PTP4A3: variants seen among roughly 807,000 people sequenced by gnomAD.
The protein encoded by PTP4A3 is protein tyrosine phosphatase type IVA 3.
In PTP4A3, 9 loss-of-function variants were observed where a neutral mutation model predicts 15.2. The observed-to-expected ratio is 0.59, with a 90% CI of 0.36 to 1.03. PTP4A3 has a LOEUF of 1.03. Among genes scored for constraint, PTP4A3 ranks in the 50% least tolerant of loss-of-function variants. The pLI is 0.02. For missense variants in PTP4A3, 234 were observed against 252.1 expected, an observed-to-expected ratio of 0.93 and a Z score of 0.49; for synonymous variants, 95 against 102.0, an observed-to-expected ratio of 0.93 and a Z score of 0.41.
chr8:141,429,151 G>A (rs1833726302), intron 5 of PTP4A3, among the ~76,000 whole-genome samples: 1 of 152,258 alleles, frequency 6.6e-6, no homozygotes, highest in Non-Finnish European at 1.5e-5. Context: ...GTTGGTGGGG[G>A]CCCTACCCGG....
chr8:141,409,283 T>C (rs530713649), intron 1 of PTP4A3, among the ~76,000 whole-genome samples: 13 of 152,332 alleles, frequency 8.5e-5, no homozygotes, highest in African/African-American at 3.1e-4. Flanking sequence ...CGGGGCTGTC[T>C]CTGAGCCCTG....
intron 1 of PTP4A3, among the ~76,000 whole-genome samples, chr8:141,394,791 C>T (rs1303941635): frequency 6.6e-6 from 1 of 152,272 alleles, no homozygotes; most frequent in African/African-American, 2.4e-5. Flanking sequence ...GAGCCCCGTC[C>T]TCTCTGCACA....
At chr8:141,417,563 T>C (rs936978824) in intron 1 of PTP4A3, among the ~76,000 whole-genome samples, 4 of 151,826 alleles carry the variant, frequency 2.6e-5, no homozygotes, top group African/African-American at 4.8e-5. Flanking sequence ...GCTCCTGCCC[T>C]CCGGACCCCC....
At chr8:141,427,628 C>T (rs1404172609) in intron 4 of PTP4A3, 122 bp from the exon 5 acceptor site, 14 of 815,370 alleles carry the variant, frequency 1.7e-5, no homozygotes, top group South Asian at 1.6e-4. Context: ...CATGGGGGAG[C>T]TTCAGGCAGG....
At chr8:141,401,399 G>A (rs1385537690) in intron 1 of PTP4A3, among the ~76,000 whole-genome samples, 1 of 152,172 alleles carries the variant, frequency 6.6e-6, no homozygotes, top group African/African-American at 2.4e-5. Context: ...GCTGGCCCTG[G>A]GGTAACTTGC....
rs545050416 is a variant in PTP4A3, at chr8:141,423,010, G to A, written c.105+665G>A. On this transcript the variant is annotated intron_variant, in intron 2 of 5. Transcript: ENST00000521578. ...CCCTGCTGTTTGCAGGCCTGGGGCC[G>A]TTTGCAGCGTCTGCAGTTGTGTGCG... Among the ~76,000 whole-genome samples, 18 of 152,356 alleles carry A rather than the reference G, an allele frequency of 1.2e-4. No individual in the cohort carries two copies. In the South Asian group the frequency reaches 2.9e-3, roughly 25 times the overall value.
At chr8:141,402,120 G>A (rs564764209) in intron 1 of PTP4A3, among the ~76,000 whole-genome samples, 4 of 152,312 alleles carry the variant, frequency 2.6e-5, no homozygotes, top group Admixed American at 1.3e-4. Flanking sequence ...CCAGCAGAGG[G>A]TGCAGCCTCT....
intron 1 of PTP4A3, chr8:141,392,493 G>A (rs1300990679): frequency 2.6e-5 from 4 of 152,356 alleles, no homozygotes; most frequent in Non-Finnish European, 5.9e-5. Context: ...ACAGTTTGGG[G>A]GGCTGGAACC....
chr8:141,422,031 C>T lies in PTP4A3; in HGVS notation c.-210C>T. 3 of 519,434 alleles carry T rather than the reference C, an allele frequency of 5.8e-6. No individual in the cohort carries two copies. Among genetic ancestry groups the T allele is most frequent in the East Asian group, 3.3e-5 (1 of 30,124 alleles). 32.2% of individuals were successfully genotyped at this position (519,434 alleles called of 1,614,324 possible). On this transcript the variant is annotated 5_prime_UTR_variant, in exon 2 of 6. Coordinates refer to ENST00000521578, the MANE Select transcript of PTP4A3 (RefSeq NM_032611.3). ...GAGTTGGGTTTTCTTTTTTAATTAT[C>T]CAAACAGTGGGCAGCTTCCTCCCCC...
At chr8:141,400,476 G>T (rs1832563676) in intron 1 of PTP4A3, among the ~76,000 whole-genome samples, 1 of 152,228 alleles carries the variant, frequency 6.6e-6, no homozygotes, top group Non-Finnish European at 1.5e-5. Context: ...ATTTCCCTGG[G>T]TGTTGACTGG....
At chr8:141,428,556 C>T (rs749315703) in intron 5 of PTP4A3, among the ~76,000 whole-genome samples, 11 of 152,212 alleles carry the variant, frequency 7.2e-5, no homozygotes, top group Non-Finnish European at 8.8e-5. Context: ...ATCTCTTCCT[C>T]CCAGAGGCAG....
intron 1 of PTP4A3, among the ~76,000 whole-genome samples, chr8:141,415,926 C>T (rs1386553208): frequency 6.6e-6 from 1 of 151,792 alleles, no homozygotes; most frequent in Non-Finnish European, 1.5e-5. Context: ...CCCTCCTGGC[C>T]CCCCTAGCAA....
intron 1 of PTP4A3, among the ~76,000 whole-genome samples, chr8:141,414,061 C>T (rs1340144163): frequency 1.3e-5 from 2 of 150,170 alleles, no homozygotes; most frequent in Non-Finnish European, 3.0e-5. Context: ...GTTTCTGTGG[C>T]GTGTGTGTGT....
chr8:141,420,491 A>G (rs749123777), intron 1 of PTP4A3, among the ~76,000 whole-genome samples: 274 of 152,190 alleles, frequency 1.8e-3, no homozygotes, highest in Non-Finnish European at 1.2e-3. Flanking sequence ...CCAGAAAGGG[A>G]GAGAGGCAGG....
intron 4 of PTP4A3, 114 bp from the exon 5 acceptor site, chr8:141,427,636 A>C: frequency 1.1e-6 from 1 of 871,452 alleles, no homozygotes; most frequent in Non-Finnish European, 1.7e-6. Context: ...AGCTTCAGGC[A>C]GGGGGGATTC....
intron 1 of PTP4A3, among the ~76,000 whole-genome samples, chr8:141,404,610 A>G (rs1832680580): frequency 6.6e-6 from 1 of 152,198 alleles, no homozygotes; most frequent in Non-Finnish European, 1.5e-5. Context: ...ATGGGCCTCC[A>G]GGGAGGTGGG....
At chr8:141,416,470 T>C (rs1373011883) in intron 1 of PTP4A3, among the ~76,000 whole-genome samples, 1 of 152,144 alleles carries the variant, frequency 6.6e-6, no homozygotes, top group African/African-American at 2.4e-5. Context: ...AGGTTGGAGA[T>C]TGGTGGGGCA....
intron 1 of PTP4A3, among the ~76,000 whole-genome samples, chr8:141,416,260 A>C (rs1833050021): frequency 6.6e-6 from 1 of 150,934 alleles, no homozygotes; most frequent in Non-Finnish European, 1.5e-5. Flanking sequence ...CCTCTCTCCC[A>C]GAGGGCTAGG....
chr8:141,422,129 G>C lies in PTP4A3; in HGVS notation c.-112G>C, dbSNP rs1489867179. On this transcript the variant is annotated 5_prime_UTR_variant, in exon 2 of 6. Transcript: ENST00000521578. ...TTTAAATCTCGTTTCTCTTGGACAA[G>C]CACAGGGATCTCGTTCTCCTCATTT... is the stretch of plus-strand genomic sequence containing the variant. 1.7e-5 allele frequency: 17 copies of C among 1,002,442 alleles called. No homozygotes were observed. Among genetic ancestry groups the C allele is most frequent in the Non-Finnish European group, 1.2e-5 (8 of 651,442 alleles). 62.1% of individuals were successfully genotyped at this position (1,002,442 alleles called of 1,614,324 possible).
Sources: gnomAD v4.1 joint callset for allele counts (sites outside exome capture counted in the v4.1 genomes callset) on GRCh38, gnomAD v4.1.1 for gene constraint, MANE v1.5 for transcripts, NCBI Gene and HGNC (gene_info 2026-07-23, HGNC 2026-07-21) for gene names.